The following RD3 variants were observed in gnomAD, a reference collection of about 807,000 sequenced individuals.
The protein encoded by RD3 is protein RD3.
RD3 carries 11 observed loss-of-function variants against 16.9 expected under a neutral mutation model. That is an observed-to-expected ratio of 0.65 (90% CI 0.41 to 1.08). RD3 has a LOEUF of 1.08. Among genes scored for constraint, RD3 ranks in the 50% least tolerant of loss-of-function variants. The pLI, the probability that RD3 is intolerant of heterozygous loss-of-function variation, is 0.00. For missense variants in RD3, 274 were observed against 267.4 expected (o/e 1.02, Z -0.17); for synonymous variants, 116 against 114.8 (o/e 1.01, Z -0.07).
At chr1:211,489,333 TTTC>T (rs150791734) in intron 1 of RD3, among the ~76,000 whole-genome samples, 42,057 of 151,730 alleles carry the variant, frequency 0.28, 6,022 homozygotes, top group Non-Finnish European at 0.31. Context: ...AAATGTGGTA[TTTC>T]TTTAGTTATG....
rs756531700 is a variant in RD3, at chr1:211,481,341, C to A, written c.75G>T (p.Val25=). The A allele has an allele frequency of 1.2e-6, 2 of 1,614,146 alleles. No homozygotes were observed. The highest frequency in any genetic ancestry group is 1.7e-6 in the Non-Finnish European group (2 of 1,180,038). ...RLSTRSPAEM[V]LETLMMELTG... ...TCAGCTCCATCATAAGCGTCTCCAG[C>A]ACCATCTCAGCAGGGCTCCTGGTGG... Residue 25 remains valine (V), a synonymous_variant, in exon 2 of 3, where the codon GTG becomes GTT. Coordinates refer to ENST00000680073, the MANE Select transcript of RD3 (RefSeq NM_001164688.2).
rs1705204859 is a variant in RD3, at chr1:211,478,980, C to T, written c.*56G>A. 18 of 1,485,156 alleles carry T rather than the reference C, an allele frequency of 1.2e-5. No individual in the cohort carries two copies. In the South Asian group the frequency reaches 2.0e-4, roughly 16 times the overall value. 92.0% of individuals were successfully genotyped at this position (1,485,156 alleles called of 1,614,324 possible). On this transcript the variant is annotated 3_prime_UTR_variant, in exon 3 of 3. Transcript: ENST00000680073. ...TTCCAGGGCCCGGCGCTCCGGTCAC[C>T]GGCCTATCATTCCCCCTGCAGAAGG...
intron 2 of RD3, 109 bp from the exon 3 acceptor site, chr1:211,479,436 C>T: frequency 1.0e-6 from 1 of 961,866 alleles, no homozygotes; most frequent in Non-Finnish European, 1.5e-6. Flanking sequence ...CCAATTAGTC[C>T]ACTCTACTCT....
rs1316078636 is a variant in RD3 at position 211,484,927 on chromosome 1, G to GC, written c.-11-3502dup. ...GCAGTGCTGTCTGCCCTGCTCAGTG[G>GC]CCCCTTCTGTGGGGAAGTGGGCGGG... On this transcript the variant is annotated intron_variant, in intron 1 of 2. Transcript: ENST00000680073. Among the ~76,000 whole-genome samples, 14 of 152,360 alleles carry GC rather than the reference G, an allele frequency of 9.2e-5. No individual in the cohort carries two copies. The East Asian group carries it at 1.9e-3, about 21-fold the overall frequency.
intron 2 of RD3, among the ~76,000 whole-genome samples, chr1:211,480,333 G>A (rs1705236053): frequency 6.6e-6 from 1 of 152,104 alleles, no homozygotes; most frequent in South Asian, 2.1e-4. Context: ...CTTTTGAAGG[G>A]AATTTCAAAG....
intron 1 of RD3, among the ~76,000 whole-genome samples, chr1:211,483,848 G>T (rs943314375): frequency 3.3e-5 from 5 of 152,186 alleles, no homozygotes; most frequent in African/African-American, 1.2e-4. Context: ...CTATGGGTTA[G>T]ATTGATGCTT....
intron 1 of RD3, among the ~76,000 whole-genome samples, chr1:211,491,246 C>T (rs920190262): frequency 2.0e-4 from 31 of 152,328 alleles, no homozygotes; most frequent in South Asian, 4.1e-4. Flanking sequence ...GCTCCATGTT[C>T]GAGGGGACTG....
intron 2 of RD3, among the ~76,000 whole-genome samples, chr1:211,479,994 T>C (rs996700676): frequency 3.3e-5 from 5 of 152,160 alleles, no homozygotes; most frequent in Admixed American, 3.3e-4. Context: ...CTCCACCAGA[T>C]TGAGAGTCAG....
chr1:211,479,198 C>A lies in RD3; in HGVS notation c.426G>T (p.Trp142Cys), dbSNP rs767887514. The change falls in exon 3 of 3, where the codon TGG becomes TGT. Residue 142 changes from tryptophan (W) to cysteine (C), a missense_variant. By Grantham distance (215) the Trp-to-Cys change is radical (BLOSUM62 -2). Transcript: ENST00000680073. The part of the protein sequence containing the change: ...EEEAHKLTRQ[W>C]SLRPRGSLAT... ...CCAGGCTGCCGCGGGGCCGCAGGCT[C>A]CACTGGCGCGTCAGCTTGTGGGCCT... 13 of 1,612,108 alleles carry A rather than the reference C, an allele frequency of 8.1e-6. No individual in the cohort carries two copies. The South Asian group carries it at 9.9e-5, about 12-fold the overall frequency.
rs113764146 is a variant in RD3, at chr1:211,490,150, T to C, written c.-12+1618A>G. On this transcript the variant is annotated intron_variant, in intron 1 of 2. Coordinates refer to ENST00000680073, the MANE Select transcript of RD3 (RefSeq NM_001164688.2). ...GGGCAAGAGGAGTCTCTGGTTCCAC[T>C]TGGCACTCAGAGGGGGACCAGGGAT... Among the ~76,000 whole-genome samples, 243 of 152,316 alleles carry C rather than the reference T, an allele frequency of 1.6e-3. 2 individuals carry two copies. Among genetic ancestry groups the C allele is most frequent in the African/African-American group, 5.4e-3 (225 of 41,558 alleles).
At chr1:211,483,387 G>C (rs1033908820) in intron 1 of RD3, among the ~76,000 whole-genome samples, 6 of 151,936 alleles carry the variant, frequency 3.9e-5, no homozygotes, top group Admixed American at 3.3e-4. Flanking sequence ...GCTTGAACTG[G>C]GGAGGCGGAG....
chr1:211,484,239 A>T (rs576584408), intron 1 of RD3, among the ~76,000 whole-genome samples: 1 of 152,206 alleles, frequency 6.6e-6, no homozygotes, highest in Admixed American at 6.5e-5. Flanking sequence ...GGGGCTGGAC[A>T]TGTAGTCAGT....
Position 211,481,223 on chromosome 1 carries a change from T to A in RD3, c.193A>T (p.Ser65Cys), listed in dbSNP as rs769393565. 1.2e-6 allele frequency: 2 copies of A among 1,614,274 alleles called. No homozygotes were observed. The highest frequency in any genetic ancestry group is 1.7e-6 in the Non-Finnish European group (2 of 1,180,054). ...AGGTCATAGGTGGACCGGGGTGTGC[T>A]GGCCAGCCAGCTGTAGTCCACACCG... is the stretch of plus-strand genomic sequence containing the variant. ...CTGVDYSWLA[S>C]TPRSTYDLSP... Residue 65 changes from serine (S) to cysteine (C), a missense_variant, in exon 2 of 3, where the codon AGC becomes TGC. Physicochemically the swap from Ser to Cys is moderately radical, Grantham distance 112. Transcript: ENST00000680073.
chr1:211,476,867 A>C lies in RD3; in HGVS notation c.*2169T>G, dbSNP rs1427111657. The C allele has an allele frequency of 6.6e-6, 1 of 152,170 alleles. No individual in the cohort carries two copies. The highest frequency in any genetic ancestry group is 2.4e-5 in the African/African-American group (1 of 41,434). 9.4% of individuals were successfully genotyped at this position (152,170 alleles called of 1,614,324 possible). A position where few individuals can be genotyped will look rare whatever the true frequency, so the allele number is the denominator to read the frequency against. ...GAGAAAAATAGACATTCTCTTATCC[A>C]GCCTCCTTTGAATCTCCCTCCAGGT... is the stretch of plus-strand genomic sequence containing the variant. On this transcript the variant is annotated 3_prime_UTR_variant, in exon 3 of 3. Coordinates refer to ENST00000680073, the MANE Select transcript of RD3 (RefSeq NM_001164688.2).
chr1:211,485,483 A>G (rs1435138444), intron 1 of RD3, among the ~76,000 whole-genome samples: 1 of 152,186 alleles, frequency 6.6e-6, no homozygotes, highest in Non-Finnish European at 1.5e-5. Flanking sequence ...AGAGGGAGGA[A>G]GAACAGAGAC....
intron 1 of RD3, among the ~76,000 whole-genome samples, chr1:211,484,721 T>C (rs1705339162): frequency 6.6e-6 from 1 of 151,992 alleles, no homozygotes; most frequent in Non-Finnish European, 1.5e-5. Context: ...CACATGGAGG[T>C]GGGTTGGGAC....
At chr1:211,481,578 T>A in intron 1 of RD3, 152 bp from the exon 2 acceptor site, 1 of 660,792 alleles carries the variant, frequency 1.5e-6, no homozygotes, top group Non-Finnish European at 2.6e-6. Context: ...GTAGGTGGCT[T>A]AATTTCCCTG....
At chr1:211,483,798 A>C (rs1223729546) in intron 1 of RD3, among the ~76,000 whole-genome samples, 3 of 152,176 alleles carry the variant, frequency 2.0e-5, no homozygotes, top group Non-Finnish European at 4.4e-5. Flanking sequence ...ACTGTAACTG[A>C]ATGTGTCACT....
At chr1:211,480,233 A>C (rs1455683437) in intron 2 of RD3, among the ~76,000 whole-genome samples, 1 of 151,998 alleles carries the variant, frequency 6.6e-6, no homozygotes, top group Non-Finnish European at 1.5e-5. Context: ...CTCCATCTGG[A>C]GGAAGAAAGG....
Sources: allele counts gnomAD v4.1 joint callset (sites outside exome capture counted in the v4.1 genomes callset), GRCh38; gene constraint gnomAD v4.1.1; transcripts MANE v1.5; gene names NCBI Gene and HGNC (gene_info 2026-07-23, HGNC 2026-07-21).